The following LRRC4C variants were observed in gnomAD, a reference collection of about 807,000 sequenced individuals.
The protein encoded by LRRC4C is leucine rich repeat containing 4C, also known as leucine-rich repeat-containing protein 4C.
A neutral mutation model predicts 33.6 loss-of-function variants in LRRC4C; 5 were observed. That is an observed-to-expected ratio of 0.15 (90% confidence interval 0.08 to 0.31). The LOEUF (loss-of-function observed/expected upper bound fraction) is 0.31. Ranked by LOEUF, LRRC4C falls within the 10% of genes least tolerant of loss-of-function variation. LRRC4C has a pLI of 1.00. For missense variants in LRRC4C, 560 were observed against 796.7 expected (o/e 0.70, Z 3.58); for synonymous variants, 329 against 302.0 (o/e 1.09, Z -0.93).
At chr11:40,254,010 T>C (rs963081602) in intron 4 of LRRC4C, among the ~76,000 whole-genome samples, 1 of 152,214 alleles carries the variant, frequency 6.6e-6, no homozygotes, top group Non-Finnish European at 1.5e-5. Context: ...ATGAATTCCA[T>C]TTCTGTAGAT....
intron 1 of LRRC4C, among the ~76,000 whole-genome samples, chr11:41,283,229 G>A (rs1244608945): frequency 1.3e-5 from 2 of 152,184 alleles, no homozygotes; most frequent in Non-Finnish European, 2.9e-5. Context: ...TGAGCAGATG[G>A]TCTGGAAATA....
rs75437708 is a variant in LRRC4C, at chr11:40,250,975, T to C, written c.-175-9377A>G. Among the ~76,000 whole-genome samples, 472 of 152,262 alleles carry C rather than the reference T, an allele frequency of 3.1e-3. 2 individuals carry two copies. The highest frequency in any genetic ancestry group is 0.011 in the African/African-American group (458 of 41,556). On this transcript the variant is annotated intron_variant, in intron 4 of 6. Coordinates refer to ENST00000528697, the MANE Select transcript of LRRC4C (RefSeq NM_001258419.2). ...CTGTGGTTTTAATTAATCAAAGTTATAAAAATGAGATAGAATTGTCTTTTC... is the reference window on the plus strand; with the variant it reads ...CTGTGGTTTTAATTAATCAAAGTTACAAAAATGAGATAGAATTGTCTTTTC...
chr11:40,186,642 G>A (rs562315113), intron 5 of LRRC4C, among the ~76,000 whole-genome samples: 32 of 152,198 alleles, frequency 2.1e-4, no homozygotes, highest in African/African-American at 4.3e-4. Context: ...CATAGATTAC[G>A]CAATCTTTGC....
At chr11:41,020,741 A>T (rs1855901661) in intron 1 of LRRC4C, among the ~76,000 whole-genome samples, 1 of 152,144 alleles carries the variant, frequency 6.6e-6, no homozygotes, top group Non-Finnish European at 1.5e-5. Context: ...AGAAACTAAC[A>T]CACCTGTCTA....
chr11:40,788,947 G>C lies in LRRC4C; in HGVS notation c.-406-140669C>G, dbSNP rs375357237. Among the ~76,000 whole-genome samples, 14 of 152,110 alleles carry C rather than the reference G, an allele frequency of 9.2e-5. No individual in the cohort carries two copies. The East Asian group carries it at 2.5e-3, about 27-fold the overall frequency. The stretch of plus-strand genomic sequence containing the variant: ...CTCTACTAAAAATACAAAAAAATTA[G>C]CTGGGCATGGTAGCGGGCGCCTGTA... On this transcript the variant is annotated intron_variant, in intron 2 of 6. Coordinates refer to ENST00000528697, the MANE Select transcript of LRRC4C (RefSeq NM_001258419.2).
intron 3 of LRRC4C, among the ~76,000 whole-genome samples, chr11:40,489,604 C>T (rs991735455): frequency 6.6e-6 from 1 of 152,030 alleles, no homozygotes; most frequent in Non-Finnish European, 1.5e-5. Context: ...ATTCAGTAGC[C>T]TCAAAAATAC....
intron 5 of LRRC4C, among the ~76,000 whole-genome samples, chr11:40,184,193 G>A (rs1861229371): frequency 6.6e-6 from 1 of 152,160 alleles, no homozygotes; most frequent in Admixed American, 6.5e-5. Context: ...AATTACATGG[G>A]CACAGCAGAA....
chr11:41,171,726 A>G (rs777804023), intron 1 of LRRC4C, among the ~76,000 whole-genome samples: 10 of 152,112 alleles, frequency 6.6e-5, no homozygotes, highest in Non-Finnish European at 1.5e-4. Context: ...CAAGTAGGTT[A>G]AACTTCCCAT....
At chr11:40,794,553 C>A (rs1003346960) in intron 2 of LRRC4C, among the ~76,000 whole-genome samples, 13 of 152,004 alleles carry the variant, frequency 8.6e-5, no homozygotes, top group South Asian at 2.1e-4. Flanking sequence ...TCCTTGGATA[C>A]AATGGAGGGT....
chr11:40,221,787 A>G lies in LRRC4C; in HGVS notation c.-96+19732T>C, dbSNP rs181493775. 2.0e-3 allele frequency among the ~76,000 whole-genome samples: 309 copies of G among 152,118 alleles called. 2 individuals are homozygous for G. Among genetic ancestry groups the G allele is most frequent in the African/African-American group, 7.2e-3 (300 of 41,488 alleles). On this transcript the variant is annotated intron_variant, in intron 5 of 6. Coordinates refer to ENST00000528697, the MANE Select transcript of LRRC4C (RefSeq NM_001258419.2). ...TATCCTGTTTTGTTCCCATCTAATTACCGGTGCATGCAGCCCCCAGTCACG... is the reference window on the plus strand; with the variant it reads ...TATCCTGTTTTGTTCCCATCTAATTGCCGGTGCATGCAGCCCCCAGTCACG...
chr11:40,746,814 G>T (rs1591614827), intron 2 of LRRC4C, among the ~76,000 whole-genome samples: 1 of 152,244 alleles, frequency 6.6e-6, no homozygotes, highest in East Asian at 1.9e-4. Flanking sequence ...TACCACAACT[G>T]GTGCCTATCT....
intron 2 of LRRC4C, among the ~76,000 whole-genome samples, chr11:40,845,087 A>G (rs4287331): frequency 0.042 from 6,428 of 152,214 alleles, 290 homozygotes; most frequent in African/African-American, 0.11. Context: ...TGTACAACAT[A>G]AATATATACA....
intron 1 of LRRC4C, among the ~76,000 whole-genome samples, chr11:41,037,574 T>TCACACACA (rs56234239): frequency 0.018 from 2,646 of 148,930 alleles, 30 homozygotes; most frequent in East Asian, 0.038. Flanking sequence ...TCTTTTCCTT[T>TCACACACA]CACACACACA....
intron 6 of LRRC4C, among the ~76,000 whole-genome samples, chr11:40,138,170 C>CA (rs1416794606): frequency 1.4e-5 from 2 of 141,738 alleles, no homozygotes. Flanking sequence ...GACATTTTTT[C>CA]TTTTTTTTTT....
intron 1 of LRRC4C, among the ~76,000 whole-genome samples, chr11:41,356,881 A>G (rs1226186246): frequency 1.3e-5 from 2 of 152,114 alleles, no homozygotes; most frequent in Non-Finnish European, 2.9e-5. Context: ...TTGATGTGAT[A>G]ATACAAAAGA....
rs116152124 is a variant in LRRC4C, at chr11:40,868,195, G to A, written c.-407+65440C>T. Among the ~76,000 whole-genome samples, 466 of 152,204 alleles carry A rather than the reference G, an allele frequency of 3.1e-3. 3 individuals carry two copies. The highest frequency in any genetic ancestry group is 0.011 in the African/African-American group (450 of 41,538). On this transcript the variant is annotated intron_variant, in intron 2 of 6. Transcript: ENST00000528697. ...GGGGGATGCTTGTGAAAATCACAGG[G>A]GTTGGGGGAGAGAAGGGATAAAGCC...
chr11:40,380,011 C>T (rs1948803224), intron 3 of LRRC4C, among the ~76,000 whole-genome samples: 1 of 152,138 alleles, frequency 6.6e-6, no homozygotes, highest in Non-Finnish European at 1.5e-5. Context: ...AATAAATGGC[C>T]TCTCAGACGT....
chr11:40,627,897 G>A (rs149455695), intron 3 of LRRC4C, among the ~76,000 whole-genome samples: 135 of 152,214 alleles, frequency 8.9e-4, no homozygotes, highest in Non-Finnish European at 1.6e-3. Flanking sequence ...AAAGAGTCAC[G>A]TAATATTGTA....
At chr11:40,292,423 T>G (rs1944255443) in intron 4 of LRRC4C, 1 of 152,182 alleles carries the variant, frequency 6.6e-6, no homozygotes, top group African/African-American at 2.4e-5. Flanking sequence ...GCGGTCAACT[T>G]TTCTTCTCTG....
Sources: allele counts gnomAD v4.1 joint callset (sites outside exome capture counted in the v4.1 genomes callset), GRCh38; gene constraint gnomAD v4.1.1; transcripts MANE v1.5; gene names NCBI Gene and HGNC (gene_info 2026-07-23, HGNC 2026-07-21).